Variants in KIF1A observed in about 807,000 individuals in gnomAD.
KIF1A encodes the protein kinesin-like protein KIF1A.
A neutral mutation model predicts 227.3 loss-of-function variants in KIF1A; 46 were observed. The observed-to-expected ratio is 0.20, with a 90% CI of 0.16 to 0.26. The LOEUF (loss-of-function observed/expected upper bound fraction) is 0.26. Among genes scored for constraint, KIF1A ranks in the 10% least tolerant of loss-of-function variants. The pLI is 1.00. For synonymous variants in KIF1A, 1,022 were observed against 1,012.8 expected (o/e 1.01, Z -0.17); for missense variants, 1,683 against 2,485.9 (o/e 0.68, Z 6.87).
At chr2:240,746,635 G>A (rs2125797860) in intron 29 of KIF1A, among the ~76,000 whole-genome samples, 1 of 152,348 alleles carries the variant, frequency 6.6e-6, no homozygotes, top group Non-Finnish European at 1.5e-5. Flanking sequence ...TGACGGCACG[G>A]CCAGGTGGGC....
chr2:240,819,670 G>C (rs1468945247), intron 1 of KIF1A, among the ~76,000 whole-genome samples: 1 of 151,934 alleles, frequency 6.6e-6, no homozygotes, highest in Non-Finnish European at 1.5e-5. Context: ...AGCGTCCTCA[G>C]CCCCGCTCAC....
At chr2:240,798,385 C>T (rs960592237) in intron 1 of KIF1A, among the ~76,000 whole-genome samples, 2 of 152,226 alleles carry the variant, frequency 1.3e-5, no homozygotes, top group Admixed American at 6.5e-5. Context: ...CAAAAGTCAA[C>T]GTTTTCGGCC....
chr2:240,721,466 G>A (rs2045373466), intron 44 of KIF1A, among the ~76,000 whole-genome samples: 1 of 152,230 alleles, frequency 6.6e-6, no homozygotes, highest in Admixed American at 6.5e-5. Context: ...AGGAGGAGGA[G>A]GGACAGCCAA....
At chr2:240,801,293 C>A (rs1377546449) in intron 1 of KIF1A, among the ~76,000 whole-genome samples, 2 of 142,294 alleles carry the variant, frequency 1.4e-5, no homozygotes, top group Non-Finnish European at 1.5e-5. Flanking sequence ...AGAATTTTTC[C>A]AGAGGACTGG....
At chr2:240,732,780 ATGAGGGGATAAG>A (rs2046880031) in intron 38 of KIF1A, among the ~76,000 whole-genome samples, 1 of 10,214 alleles carries the variant, frequency 9.8e-5, no homozygotes, top group Non-Finnish European at 2.1e-4. Flanking sequence ...GGGATAAGGG[ATGAGGGGATAAG>A]GGATGAGGGG....
intron 43 of KIF1A, 110 bp from the exon 44 acceptor site, chr2:240,721,994 G>A (rs1264210807): frequency 6.4e-5 from 54 of 841,526 alleles, no homozygotes; most frequent in East Asian, 4.8e-4. Context: ...GGGTTCCGAC[G>A]CCAGAGCACA....
chr2:240,772,615 TGGGGGA>T lies in KIF1A; in HGVS notation c.1181-25_1181-20del. 3.3e-6 allele frequency: 5 copies of T among 1,523,820 alleles called. No individual in the cohort carries two copies. Among genetic ancestry groups the T allele is most frequent in the Non-Finnish European group, 4.4e-6 (5 of 1,125,062 alleles). The allele number at this position is 1,523,820 out of a possible 1,614,324, so 94.4% of individuals were successfully genotyped here. Reference sequence around the variant, plus strand: ...GTGTTGGCTATGGGGGAGGGAAGCGTGGGGGAGGGGGAGAGACAGAGAAACAGAAGA... The same window carrying T: ...GTGTTGGCTATGGGGGAGGGAAGCGTGGGGGAGAGACAGAGAAACAGAAGA... On this transcript the variant is annotated intron_variant, in intron 13 of 48. Transcript: ENST00000498729.
chr2:240,757,676 G>A lies in KIF1A; in HGVS notation c.2583-82C>T. 4.2e-6 allele frequency: 6 copies of A among 1,434,114 alleles called. No homozygotes were observed. The highest frequency in any genetic ancestry group is 2.3e-4 in the Middle Eastern group (1 of 4,428). The allele number at this position is 1,434,114 out of a possible 1,614,324, so 88.8% of individuals were successfully genotyped here. A position where few individuals can be genotyped will look rare whatever the true frequency, so the allele number is the denominator to read the frequency against. ...ACAGGGGCCGGGGCCGGGGCTGGGG[G>A]GCTTCTGTTTAAAACCAAAACCAAA... On this transcript the variant is annotated intron_variant, in intron 26 of 48. Transcript: ENST00000498729. This position sits in a 1 kb window ranked among gnomAD's most constrained non-coding sequence, Gnocchi z 6.2.
chr2:240,718,072 G>A lies in KIF1A; in HGVS notation c.5311C>T (p.Pro1771Ser). The change falls in exon 48 of 49, where the codon CCC becomes TCC. Residue 1771 changes from proline to serine, a missense_variant. Physicochemically the swap from Pro to Ser is moderately conservative, Grantham distance 74. Around this residue, in one of 12 missense-constraint regions of KIF1A, gnomAD observed 384 missense variants for 410.1 expected, o/e 0.94. Coordinates refer to ENST00000498729, the MANE Select transcript of KIF1A (RefSeq NM_001244008.2). Reference protein sequence around the residue: ...DMHDWLYAFNPLLAGTIRSKL... With the variant: ...DMHDWLYAFNSLLAGTIRSKL... The stretch of plus-strand genomic sequence containing the variant: ...TACCGTATGGTCCCGGCCAGGAGGG[G>A]GTTGAAGGCGTACAGCCAGTCATGC... 4 of 1,610,512 alleles carry A rather than the reference G, an allele frequency of 2.5e-6. No homozygotes were observed. The highest frequency in any genetic ancestry group is 1.1e-5 in the South Asian group (1 of 90,544).
Position 240,793,170 on chromosome 2 carries a change from C to A in KIF1A, c.107-3858G>T, listed in dbSNP as rs901955236. Among the ~76,000 whole-genome samples, 4 of 152,312 alleles carry A rather than the reference C, an allele frequency of 2.6e-5. No individual in the cohort carries two copies. Among genetic ancestry groups the A allele is most frequent in the Non-Finnish European group, 5.9e-5 (4 of 68,008 alleles). On this transcript the variant is annotated intron_variant, in intron 2 of 48. Transcript: ENST00000498729. The surrounding 1 kb of genome is among the most constrained non-coding windows in gnomAD (Gnocchi z 4.8). ...TGCTCGGGATTGGGGGAGCCCACAG[C>A]GGAGGCTGGGGGCCTGGGTCGCACC...
chr2:240,815,409 G>A (rs949886904), intron 1 of KIF1A, among the ~76,000 whole-genome samples: 1 of 152,162 alleles, frequency 6.6e-6, no homozygotes, highest in Non-Finnish European at 1.5e-5. Flanking sequence ...GGAGCAGTCC[G>A]GGGCCATGCC....
In KIF1A at chr2:240,726,817, G is replaced by GT; in HGVS notation, c.4122+8dup. On this transcript the variant is annotated intron_variant, in intron 39 of 48. Transcript: ENST00000498729. The surrounding 1 kb of genome is among the most constrained non-coding windows in gnomAD (Gnocchi z 5.2). ...GTTTTGGTGGAGTGCCCTGGCATAG[G>GT]TGCCTTGCCTCGATATAAGCGGAGA... The GT allele has an allele frequency of 6.4e-7, 1 of 1,570,428 alleles. No individual in the cohort carries two copies. Among genetic ancestry groups the GT allele is most frequent in the Non-Finnish European group, 8.7e-7 (1 of 1,144,700 alleles).
chr2:240,782,637 G>GCA, intron 9 of KIF1A, 30 bp from the exon 10 acceptor site: 1 of 1,550,894 alleles, frequency 6.4e-7, no homozygotes, highest in South Asian at 1.2e-5. Context: ...GAGAGGCTGA[G>GCA]GCCCGGAGCG....
In KIF1A at chr2:240,788,025, G is replaced by GCCCCCC. The variant is rs1198985897; in HGVS notation, c.363+25_363+26insGGGGGG. ...TGGTCCCGCCCCATCTGCCAGGGCTGCCCCCGCCCGCCCCCCGCTTCGTGC... is the reference window on the plus strand; with the variant it reads ...TGGTCCCGCCCCATCTGCCAGGGCTGCCCCCCCCCCCGCCCGCCCCCCGCTTCGTGC... On this transcript the variant is annotated intron_variant, in intron 4 of 48. Coordinates refer to ENST00000498729, the MANE Select transcript of KIF1A (RefSeq NM_001244008.2). This position sits in a 1 kb window ranked among gnomAD's most constrained non-coding sequence, Gnocchi z 6.6. 1.3e-5 allele frequency: 19 copies of GCCCCCC among 1,466,766 alleles called. No homozygotes were observed. Among genetic ancestry groups the GCCCCCC allele is most frequent in the South Asian group, 2.4e-5 (2 of 82,448 alleles). 90.9% of individuals were successfully genotyped at this position (1,466,766 alleles called of 1,614,324 possible). A position where few individuals can be genotyped will look rare whatever the true frequency, so the allele number is the denominator to read the frequency against.
At chr2:240,779,214 T>C (rs977339886) in intron 10 of KIF1A, among the ~76,000 whole-genome samples, 6 of 145,992 alleles carry the variant, frequency 4.1e-5, no homozygotes, top group Non-Finnish European at 7.4e-5. Context: ...TTCCTCACAG[T>C]TCCACACTCA....
chr2:240,786,684 C>CTGAG (rs1451998217), intron 5 of KIF1A, among the ~76,000 whole-genome samples, 171 bp from the exon 6 acceptor site: 6 of 96,762 alleles, frequency 6.2e-5, no homozygotes, highest in African/African-American at 1.8e-4. Context: ...ACCAGGACCC[C>CTGAG]TGAGGGGATG....
chr2:240,781,523 C>T (rs1199550315), intron 10 of KIF1A, among the ~76,000 whole-genome samples: 1 of 151,516 alleles, frequency 6.6e-6, no homozygotes, highest in Non-Finnish European at 1.5e-5. Context: ...ACACACAGCT[C>T]CTCACAGTCC....
chr2:240,786,701 A>T (rs1437896214), intron 5 of KIF1A, among the ~76,000 whole-genome samples, 188 bp from the exon 6 acceptor site: 27 of 107,000 alleles, frequency 2.5e-4, no homozygotes, highest in Non-Finnish European at 3.7e-4. Flanking sequence ...GATGGGAGCC[A>T]GCATCAGGAC....
intron 2 of KIF1A, among the ~76,000 whole-genome samples, chr2:240,797,332 G>A (rs2056511085): frequency 6.6e-6 from 1 of 152,200 alleles, no homozygotes; most frequent in Non-Finnish European, 1.5e-5. Context: ...GCAAGCCAAG[G>A]TGGCTGGCAA....
Sources: gnomAD v4.1 joint callset for allele counts (sites outside exome capture counted in the v4.1 genomes callset) on GRCh38, gnomAD v4.1.1 for gene constraint, gnomAD v4.1.1 regional missense constraint, Gnocchi (gnomAD v3.1) non-coding constraint, MANE v1.5 for transcripts, NCBI Gene and HGNC (gene_info 2026-07-23, HGNC 2026-07-21) for gene names.